Variants in CASK observed in about 807,000 individuals in gnomAD.
The protein encoded by CASK is peripheral plasma membrane protein CASK.
In CASK, 4 loss-of-function variants were observed where a neutral mutation model predicts 82.9. That is an observed-to-expected ratio of 0.05 (90% CI 0.02 to 0.11). CASK has a LOEUF of 0.11. Ranked by LOEUF, CASK falls within the 10% of genes least tolerant of loss-of-function variation. The pLI is 1.00. For synonymous variants in CASK, 259 were observed against 253.5 expected (o/e 1.02, Z -0.20); for missense variants, 358 against 720.9 (o/e 0.50, Z 5.76).
At chrX:41,754,878 G>GTTTT (rs869108372) in intron 3 of CASK, among the ~76,000 whole-genome samples, 1 of 94,235 alleles carries the variant, frequency 1.1e-5, no homozygotes, top group African/African-American at 3.9e-5. Context: ...TTTCTGACAA[G>GTTTT]TTTTTTTTTT....
intron 2 of CASK, among the ~76,000 whole-genome samples, chrX:41,810,711 C>A (rs780086216): frequency 3.0e-4 from 34 of 112,052 alleles, no homozygotes; most frequent in African/African-American, 9.7e-4. Flanking sequence ...ATCATAATGA[C>A]AGGATCATTC....
chrX:41,736,779 G>A (rs957518763), intron 5 of CASK, among the ~76,000 whole-genome samples: 7 of 111,768 alleles, frequency 6.3e-5, no homozygotes, highest in African/African-American at 2.3e-4. Flanking sequence ...TGCACAAACT[G>A]TTCCTTCTGC....
chrX:41,683,846 A>G (rs2067402308), intron 5 of CASK, among the ~76,000 whole-genome samples: 1 of 112,042 alleles, frequency 8.9e-6, no homozygotes, highest in Non-Finnish European at 1.9e-5. Flanking sequence ...TTAAAATAAT[A>G]GTAATACCTA....
rs2072693653 is a variant in CASK at position 41,916,534 on chromosome X, T to A, written c.59+6396A>T. Among the ~76,000 whole-genome samples, 3 of 112,076 alleles carry A rather than the reference T, an allele frequency of 2.7e-5. No homozygotes were observed. The South Asian group carries it at 1.1e-3, about 41-fold the overall frequency. On this transcript the variant is annotated intron_variant, in intron 1 of 26. Coordinates refer to ENST00000378163, the MANE Select transcript of CASK (RefSeq NM_001367721.1). ...AACCAAAAAATGTGAGAACAGCACA[T>A]CCCATCAGCTTGTTGGCTGGGGTCC...
intron 24 of CASK, among the ~76,000 whole-genome samples, chrX:41,532,125 G>A (rs376052732): frequency 3.6e-5 from 4 of 110,848 alleles, no homozygotes; most frequent in South Asian, 7.7e-4. Flanking sequence ...CAACAGAGAC[G>A]GGGTTTCACC....
rs189857093 is a variant in CASK at position 41,792,480 on chromosome X, G to C, written c.173-5197C>G. ...AATTTTTAAATAGTTTATAGAGACA[G>C]AGTCTCGCTATGTTGCCCGGGTTGA... On this transcript the variant is annotated intron_variant, in intron 2 of 26. Transcript: ENST00000378163. Among the ~76,000 whole-genome samples, 139 of 109,549 alleles carry C rather than the reference G, an allele frequency of 1.3e-3. 2 individuals are homozygous for C. The highest frequency in any genetic ancestry group is 4.5e-3 in the African/African-American group (135 of 30,066).
At chrX:41,802,590 C>T (rs2070023228) in intron 2 of CASK, among the ~76,000 whole-genome samples, 1 of 112,213 alleles carries the variant, frequency 8.9e-6, no homozygotes, top group South Asian at 3.7e-4. Context: ...AAAAGGCCCA[C>T]AGTAAAGCAC....
chrX:41,691,788 C>G (rs780171315), intron 5 of CASK, among the ~76,000 whole-genome samples: 2 of 84,317 alleles, frequency 2.4e-5, no homozygotes, highest in Admixed American at 3.5e-4. Context: ...TTGCAGTGAG[C>G]TGAGACCATG....
At chrX:41,545,027 G>GT (rs57524862) in intron 21 of CASK, among the ~76,000 whole-genome samples, 28,552 of 106,728 alleles carry the variant, frequency 0.27, 3,402 homozygotes, top group Non-Finnish European at 0.38. Flanking sequence ...TAGTACTGCT[G>GT]TTTTTTTTTT....
chrX:41,559,855 G>C lies in CASK; in HGVS notation c.1669-8C>G, dbSNP rs201327474. ...ACTCCCCCGCATTTCCCTCTGGAGGGGGGGTGGTGGGAAAGAAAGAAAAGT... is the reference window on the plus strand; with the variant it reads ...ACTCCCCCGCATTTCCCTCTGGAGGCGGGGTGGTGGGAAAGAAAGAAAAGT... On this transcript the variant is annotated splice_region_variant and splice_polypyrimidine_tract_variant and intron_variant, in intron 17 of 26. Transcript: ENST00000378163. 1.2e-4 allele frequency: 143 copies of C among 1,197,362 alleles called. No homozygotes were observed. Among genetic ancestry groups the C allele is most frequent in the Non-Finnish European group, 1.5e-4 (136 of 884,191 alleles).
At chrX:41,581,887 A>C (rs1321269014) in intron 14 of CASK, among the ~76,000 whole-genome samples, 1 of 111,573 alleles carries the variant, frequency 9.0e-6, no homozygotes, top group Non-Finnish European at 1.9e-5. Context: ...TTAGGAGCAT[A>C]GGCTTTGGCG....
chrX:41,775,212 A>C (rs1369549907), intron 3 of CASK, among the ~76,000 whole-genome samples: 1 of 110,102 alleles, frequency 9.1e-6, no homozygotes, highest in Non-Finnish European at 1.9e-5. Flanking sequence ...ACCCCATCAA[A>C]AAGTGGGCAA....
chrX:41,683,900 G>A (rs183575443), intron 5 of CASK, among the ~76,000 whole-genome samples: 79 of 111,917 alleles, frequency 7.1e-4, no homozygotes, highest in Non-Finnish European at 1.3e-3. Flanking sequence ...AAGATTTTGT[G>A]GTTCTTTTTG....
intron 1 of CASK, among the ~76,000 whole-genome samples, chrX:41,891,202 TTATATGTTACA>T (rs1048186686): frequency 3.6e-5 from 4 of 109,803 alleles, no homozygotes; most frequent in Admixed American, 2.0e-4. Flanking sequence ...TAATTCTTAA[TTATATGTTACA>T]TATATGTTAC....
chrX:41,775,103 C>CAG (rs1237260851), intron 3 of CASK, among the ~76,000 whole-genome samples: 1 of 107,105 alleles, frequency 9.3e-6, no homozygotes, highest in Non-Finnish European at 1.9e-5. Context: ...AGGCAACCTA[C>CAG]AACATGGGAG....
intron 2 of CASK, among the ~76,000 whole-genome samples, chrX:41,816,553 TAAATG>T (rs2070414810): frequency 9.4e-6 from 1 of 106,801 alleles, no homozygotes; most frequent in South Asian, 4.0e-4. Flanking sequence ...ACAGAAAACA[TAAATG>T]AAACAAAAAA....
chrX:41,591,710 T>C (rs925108506), intron 12 of CASK, among the ~76,000 whole-genome samples: 2 of 110,038 alleles, frequency 1.8e-5, no homozygotes, highest in Non-Finnish European at 3.8e-5. Context: ...TTCCTAACCT[T>C]GTGATCCGCC....
At chrX:41,559,296 T>C (rs1467192331) in intron 18 of CASK, 1 of 119,648 alleles carries the variant, frequency 8.4e-6, no homozygotes, top group African/African-American at 3.2e-5. Context: ...TGAAGTCAAT[T>C]ATCAATTCAT....
At position 41,727,066 on chromosome X, in the gene CASK, T is replaced by C. The variant is rs760344682; in HGVS notation, c.429+12318A>G. 3 of 1,168,414 alleles carry C rather than the reference T, an allele frequency of 2.6e-6. No individual in the cohort carries two copies. In the African/African-American group the frequency reaches 5.3e-5, roughly 21 times the overall value. Reference sequence around the variant, plus strand: ...AACATGTATTCAACCATCTATGATCTCTTCCATGGCTTTACCAATCATTTA... The same window carrying C: ...AACATGTATTCAACCATCTATGATCCCTTCCATGGCTTTACCAATCATTTA... On this transcript the variant is annotated intron_variant, in intron 5 of 26. Transcript: ENST00000378163.
Sources: allele counts gnomAD v4.1 joint callset (sites outside exome capture counted in the v4.1 genomes callset), GRCh38; gene constraint gnomAD v4.1.1; transcripts MANE v1.5; gene names NCBI Gene and HGNC (gene_info 2026-07-23, HGNC 2026-07-21).